The following ATP6V0B variants were observed in gnomAD, a reference collection of about 807,000 sequenced individuals.
ATP6V0B encodes V-type proton ATPase 21 kDa proteolipid subunit c''.
In ATP6V0B, 4 loss-of-function variants were observed where a neutral mutation model predicts 26.2. The ratio of observed to expected loss-of-function variants is 0.15; its 90% CI spans 0.08 to 0.35. The LOEUF (loss-of-function observed/expected upper bound fraction) is 0.35. Ranked by LOEUF, ATP6V0B falls within the 10% of genes least tolerant of loss-of-function variation. ATP6V0B has a pLI of 1.00. For missense variants in ATP6V0B, 175 were observed against 272.5 expected (o/e 0.64, Z 2.52); for synonymous variants, 110 against 105.8 (o/e 1.04, Z -0.24).
Position 43,975,499 on chromosome 1 carries a change from G to A in ATP6V0B, c.68-301G>A, listed in dbSNP as rs565607721. 9.8e-5 allele frequency: 55 copies of A among 558,498 alleles called. 1 individual carries two copies. In the South Asian group the frequency reaches 1.2e-3, roughly 12 times the overall value. 34.6% of individuals were successfully genotyped at this position (558,498 alleles called of 1,614,324 possible). A position where few individuals can be genotyped will look rare whatever the true frequency, so the allele number is the denominator to read the frequency against. ...CAGCTTGTTGGGTAAACAGCGGAACGGACTGGGCCGGCGGGATCTGGCTGG... is the reference window on the plus strand; with the variant it reads ...CAGCTTGTTGGGTAAACAGCGGAACAGACTGGGCCGGCGGGATCTGGCTGG... On this transcript the variant is annotated intron_variant, in intron 1 of 7. Transcript: ENST00000472174.
intron 7 of ATP6V0B, 94 bp from the exon 8 acceptor site, chr1:43,977,887 A>T (rs1402566599): frequency 6.2e-7 from 1 of 1,613,638 alleles, no homozygotes; most frequent in African/African-American, 1.3e-5. Flanking sequence ...TGGTCTGTCC[A>T]TCCAACCATG....
At chr1:43,975,722 C>A in intron 1 of ATP6V0B, 78 bp from the exon 2 acceptor site, 1 of 1,547,622 alleles carries the variant, frequency 6.5e-7, no homozygotes, top group Non-Finnish European at 8.9e-7. Flanking sequence ...GGCCCTTCAG[C>A]TCGGCAGCTA....
At chr1:43,977,001 A>G in intron 6 of ATP6V0B, 25 bp from the exon 7 acceptor site, 1 of 1,600,440 alleles carries the variant, frequency 6.2e-7, no homozygotes, top group Non-Finnish European at 8.5e-7. Flanking sequence ...GCTTAGCCTC[A>G]CTGCACCCCT....
In ATP6V0B at chr1:43,977,072, C is replaced by T. The variant is rs775043580; in HGVS notation, c.447C>T (p.Leu149=). 6.2e-7 allele frequency: 1 copy of T among 1,613,808 alleles called. No individual in the cohort carries two copies. The change falls in exon 7 of 8, where the codon CTC becomes CTT. Residue 149 remains leucine, a synonymous_variant. Coordinates refer to ENST00000472174, the MANE Select transcript of ATP6V0B (RefSeq NM_004047.5). ...GCCTCACCGTAGGCCTGTCTAACCT[C>T]TTCTGTGGAGTCTGCGTGGGCATCG... ...GAGLTVGLSN[L]FCGVCVGIVG...
At chr1:43,977,436 C>T (rs1343847988) in intron 7 of ATP6V0B, 3 of 1,461,028 alleles carry the variant, frequency 2.1e-6, no homozygotes, top group Admixed American at 2.6e-5. Context: ...TTTTTCCCCC[C>T]TTTCTAATGC....
At chr1:43,977,486 C>T (rs2085534796) in intron 7 of ATP6V0B, 8 of 1,430,518 alleles carry the variant, frequency 5.6e-6, no homozygotes, top group Non-Finnish European at 6.4e-6. Context: ...TCTTTCTGTT[C>T]TCTCATTTTA....
At chr1:43,977,472 T>C in intron 7 of ATP6V0B, 30 of 1,432,370 alleles carry the variant, frequency 2.1e-5, no homozygotes, top group Non-Finnish European at 2.7e-5. Flanking sequence ...CACTTAGTCC[T>C]CCCTCTTTCT....
intron 7 of ATP6V0B, chr1:43,977,451 T>C: frequency 6.9e-7 from 1 of 1,454,858 alleles, no homozygotes; most frequent in Non-Finnish European, 9.0e-7. Flanking sequence ...TAATGCGTTG[T>C]ATCTGTATAG....
chr1:43,975,672 G>A (rs769553657), intron 1 of ATP6V0B, 128 bp from the exon 2 acceptor site: 5 of 1,017,654 alleles, frequency 4.9e-6, no homozygotes, highest in South Asian at 3.9e-5. Context: ...CAGCTGTACT[G>A]TCACCTGGGG....
In ATP6V0B at chr1:43,976,304, G is replaced by C; in HGVS notation, c.203G>C (p.Gly68Ala). The change falls in exon 4 of 8, where the codon GGC (glycine) becomes GCC (alanine). Residue 68 changes from glycine to alanine, a missense_variant and splice_region_variant. By Grantham distance (60) the Gly-to-Ala change is moderately conservative (BLOSUM62 0). Transcript: ENST00000472174. This position sits in a 1 kb window ranked among gnomAD's most constrained non-coding sequence, Gnocchi z 4.6. ...ISLSVVGAAW[G>A]IYITGSSIIG... ...TCAGTTTTTTATCCTTCCACCAGGG[G>C]CATCTATATTACCGGCTCCTCCATC... The C allele has an allele frequency of 1.2e-6, 2 of 1,613,834 alleles. No homozygotes were observed. Among genetic ancestry groups the C allele is most frequent in the Non-Finnish European group, 1.7e-6 (2 of 1,179,808 alleles).
Position 43,978,202 on chromosome 1 carries a change from T to TGAC in ATP6V0B, c.*196_*198dup, listed in dbSNP as rs3216995. On this transcript the variant is annotated 3_prime_UTR_variant, in exon 8 of 8. Transcript: ENST00000472174. ...AGTGCGGGGAGCAGGCTGCTGCTGC[T>TGAC]GACTCTGTGCAGCTGCGCACCTGTG... is the stretch of plus-strand genomic sequence containing the variant. 0.071 allele frequency: 51,232 copies of TGAC among 726,468 alleles called. 2,225 individuals are homozygous for TGAC. Among genetic ancestry groups the TGAC allele is most frequent in the East Asian group, 0.15 (5,979 of 38,824 alleles). 45.0% of individuals were successfully genotyped at this position (726,468 alleles called of 1,614,324 possible). A position where few individuals can be genotyped will look rare whatever the true frequency, so the allele number is the denominator to read the frequency against.
rs2085517552 is a variant in ATP6V0B at position 43,976,180 on chromosome 1, A to T, written c.200+7A>T. On this transcript the variant is annotated splice_region_variant and intron_variant, in intron 3 of 7. Coordinates refer to ENST00000472174, the MANE Select transcript of ATP6V0B (RefSeq NM_004047.5). The surrounding 1 kb of genome is among the most constrained non-coding windows in gnomAD (Gnocchi z 4.6). ...CTGTGGTTGGGGCAGCCTGGTGAGT[A>T]TTGGGGTGGTGGGACTGGGGGCAGG... is the stretch of plus-strand genomic sequence containing the variant. 6.2e-7 allele frequency: 1 copy of T among 1,612,476 alleles called. No individual in the cohort carries two copies.
At chr1:43,975,597 C>G in intron 1 of ATP6V0B, 1 of 658,332 alleles carries the variant, frequency 1.5e-6, no homozygotes, top group Non-Finnish European at 2.7e-6. Flanking sequence ...GGTGCTTGGT[C>G]TGGGAGGTGG....
chr1:43,975,351 C>G (rs2085506139), intron 1 of ATP6V0B: 1 of 581,772 alleles, frequency 1.7e-6, no homozygotes. Context: ...GCCACTATCG[C>G]TGTCTCCCCT....
chr1:43,976,055 G>C lies in ATP6V0B; in HGVS notation c.117-35G>C, dbSNP rs377561163. 2 of 1,604,506 alleles carry C rather than the reference G, an allele frequency of 1.2e-6. No homozygotes were observed. Among genetic ancestry groups the C allele is most frequent in the Non-Finnish European group, 1.7e-6 (2 of 1,171,512 alleles). On this transcript the variant is annotated intron_variant, in intron 2 of 7. Transcript: ENST00000472174. This position sits in a 1 kb window ranked among gnomAD's most constrained non-coding sequence, Gnocchi z 4.6. ...GATTTTGTGCTCCGCTTCCCTGCTA[G>C]AGCTGAACTGCTTTCTTCTCTGCTT... is the stretch of plus-strand genomic sequence containing the variant.
At chr1:43,977,425 C>A (rs2085533331) in intron 7 of ATP6V0B, 1 of 1,470,694 alleles carries the variant, frequency 6.8e-7, no homozygotes, top group South Asian at 1.4e-5. Flanking sequence ...CAGCCCTGTT[C>A]TTTTTCCCCC....
intron 7 of ATP6V0B, 133 bp from the exon 8 acceptor site, chr1:43,977,848 G>C: frequency 3.1e-6 from 5 of 1,600,856 alleles, no homozygotes; most frequent in East Asian, 2.2e-5. Flanking sequence ...GTCACAGTGT[G>C]TCCATCCTGG....
chr1:43,976,094 C>A lies in ATP6V0B; in HGVS notation c.121C>A (p.Leu41Met), dbSNP rs1414475144. 4 of 1,614,084 alleles carry A rather than the reference C, an allele frequency of 2.5e-6. No individual in the cohort carries two copies. Among genetic ancestry groups the A allele is most frequent in the Non-Finnish European group, 3.4e-6 (4 of 1,179,966 alleles). ...TCTTCTCTGCTTCCACAACAGGTTC[C>A]TGACGGAGACTTCGCCCTTCATGTG... is the stretch of plus-strand genomic sequence containing the variant. ...LGFRFDVAWF[L>M]TETSPFMWSN... The change falls in exon 3 of 8, where the codon CTG becomes ATG. Residue 41 changes from leucine to methionine, a missense_variant. This residue lies in a region of ATP6V0B where 75 missense variants were observed against 94.7 expected (regional missense o/e 0.79). Transcript: ENST00000472174. The surrounding 1 kb of genome is among the most constrained non-coding windows in gnomAD (Gnocchi z 4.6).
chr1:43,977,574 G>T, intron 7 of ATP6V0B: 1 of 1,423,212 alleles, frequency 7.0e-7, no homozygotes. Flanking sequence ...ATATCAGTCT[G>T]TCATGGTGTG....
Sources: allele counts gnomAD v4.1 joint callset, GRCh38; gene constraint gnomAD v4.1.1; regional missense constraint gnomAD v4.1.1; non-coding constraint Gnocchi (gnomAD v3.1); transcripts MANE v1.5; gene names NCBI Gene and HGNC (gene_info 2026-07-23, HGNC 2026-07-21).